RFFL: variants seen among roughly 807,000 people sequenced by gnomAD.
RFFL encodes the protein E3 ubiquitin-protein ligase rififylin.
In RFFL, 16 loss-of-function variants were observed where a neutral mutation model predicts 40.4. The observed-to-expected ratio is 0.40, with a 90% CI of 0.27 to 0.60. RFFL has a LOEUF of 0.60. Among genes scored for constraint, RFFL ranks in the 20% least tolerant of loss-of-function variants. RFFL has a pLI of 0.47. For missense variants in RFFL, 367 were observed against 451.7 expected, an observed-to-expected ratio of 0.81 and a Z score of 1.70; for synonymous variants, 154 against 167.9, an observed-to-expected ratio of 0.92 and a Z score of 0.64.
chr17:35,068,981 G>A (rs927531657), intron 1 of RFFL, among the ~76,000 whole-genome samples: 1 of 152,014 alleles, frequency 6.6e-6, no homozygotes, highest in African/African-American at 2.4e-5. Context: ...AGAAGGGCAG[G>A]GAAAAGACCC....
At chr17:35,037,019 C>T (rs1282504223) in intron 1 of RFFL, among the ~76,000 whole-genome samples, 3 of 152,214 alleles carry the variant, frequency 2.0e-5, no homozygotes, top group Non-Finnish European at 4.4e-5. Context: ...TTTTAATTAA[C>T]TGCTCTGTGC....
At chr17:35,041,872 T>C (rs138204384) in intron 1 of RFFL, among the ~76,000 whole-genome samples, 221 of 151,876 alleles carry the variant, frequency 1.5e-3, no homozygotes, top group African/African-American at 4.7e-3. Flanking sequence ...CAAAAATTAG[T>C]GGTGTGGTGG....
chr17:35,078,595 C>A (rs2142384589), intron 1 of RFFL, among the ~76,000 whole-genome samples: 1 of 152,320 alleles, frequency 6.6e-6, no homozygotes, highest in East Asian at 1.9e-4. Flanking sequence ...AGCCACCAGG[C>A]CCGGCCCAGA....
At position 35,016,430 on chromosome 17, in the gene RFFL, A is replaced by G; in HGVS notation, c.826T>C (p.Trp276Arg). ...CGGGTCACTCTCTCCATCAGCTCCC[A>G]CTTCTCACAGCAGCCCTTGTAGTTG... is the stretch of plus-strand genomic sequence containing the variant. ...FVNYKGCCEKWELMERVTRLY... is the reference protein window; with the variant it reads ...FVNYKGCCEKRELMERVTRLY... The change falls in exon 5 of 7, where the codon TGG (tryptophan) becomes CGG (arginine). Residue 276 changes from tryptophan to arginine, a missense_variant. Trp to Arg is a moderately radical substitution (Grantham distance 101). Coordinates refer to ENST00000394597, the MANE Select transcript of RFFL (RefSeq NM_001017368.2). The G allele has an allele frequency of 1.9e-6, 3 of 1,614,062 alleles. No individual in the cohort carries two copies. The highest frequency in any genetic ancestry group is 2.5e-6 in the Non-Finnish European group (3 of 1,179,990).
At chr17:35,021,832 CAG>C in intron 2 of RFFL, 51 bp from the exon 3 acceptor site, 7 of 1,589,374 alleles carry the variant, frequency 4.4e-6, no homozygotes, top group Non-Finnish European at 6.0e-6. Flanking sequence ...GAGAACAAGA[CAG>C]AGAGTGCGAT....
intron 1 of RFFL, among the ~76,000 whole-genome samples, chr17:35,030,767 A>T (rs993284916): frequency 6.6e-6 from 1 of 152,058 alleles, no homozygotes; most frequent in Non-Finnish European, 1.5e-5. Context: ...ACACGTTGAC[A>T]GACAAATCTG....
At chr17:35,014,892 G>A (rs2090964276) in intron 5 of RFFL, 129 bp from the exon 6 acceptor site, 2 of 836,146 alleles carry the variant, frequency 2.4e-6, no homozygotes, top group Non-Finnish European at 4.1e-6. Context: ...CAAGAGCCTA[G>A]ATGGACATCT....
intron 3 of RFFL, chr17:35,019,067 AAG>A (rs1160806904): frequency 5.9e-5 from 9 of 152,262 alleles, no homozygotes; most frequent in Admixed American, 5.2e-4. Context: ...CTAAAGGTGA[AAG>A]AGAGAACTCT....
chr17:35,057,712 T>C (rs536572763), intron 1 of RFFL, among the ~76,000 whole-genome samples: 119 of 150,270 alleles, frequency 7.9e-4, no homozygotes, highest in Non-Finnish European at 1.5e-3. Context: ...AACCAGTTTC[T>C]CCAGTTTTCT....
rs188782679 is a variant in RFFL, at chr17:35,032,655, G to T, written c.-8-6094C>A. 8.7e-4 allele frequency among the ~76,000 whole-genome samples: 133 copies of T among 152,154 alleles called. 1 individual carries two copies. The highest frequency in any genetic ancestry group is 3.1e-3 in the African/African-American group (128 of 41,402). ...GGTACATGTTTGGGCTGAAGATAAAGGTTTGGGAACACATGGCCCACTGGA... is the reference window on the plus strand; with the variant it reads ...GGTACATGTTTGGGCTGAAGATAAATGTTTGGGAACACATGGCCCACTGGA... On this transcript the variant is annotated intron_variant, in intron 1 of 6. Coordinates refer to ENST00000394597, the MANE Select transcript of RFFL (RefSeq NM_001017368.2).
At chr17:35,051,831 A>G (rs2091233733) in intron 1 of RFFL, among the ~76,000 whole-genome samples, 1 of 152,208 alleles carries the variant, frequency 6.6e-6, no homozygotes, top group South Asian at 2.1e-4. Flanking sequence ...CCAACCTGCT[A>G]CCAACTGGAC....
intron 1 of RFFL, among the ~76,000 whole-genome samples, chr17:35,033,360 C>T (rs757043499): frequency 1.3e-5 from 2 of 151,738 alleles, no homozygotes; most frequent in Non-Finnish European, 2.9e-5. Context: ...GAAACCCCAT[C>T]TCTACTAAAA....
At chr17:35,018,887 A>G (rs900318117) in intron 3 of RFFL, 2 of 152,258 alleles carry the variant, frequency 1.3e-5, no homozygotes, top group East Asian at 1.9e-4. Flanking sequence ...CTAAGTAGCT[A>G]TCTTTCAGAT....
At chr17:35,069,842 T>C (rs2091337805) in intron 1 of RFFL, among the ~76,000 whole-genome samples, 1 of 151,988 alleles carries the variant, frequency 6.6e-6, no homozygotes, top group Non-Finnish European at 1.5e-5. Flanking sequence ...ACCTCTCTCA[T>C]CCCTTTTATA....
chr17:35,026,963 A>C (rs927984598), intron 1 of RFFL, among the ~76,000 whole-genome samples: 1 of 152,198 alleles, frequency 6.6e-6, no homozygotes, highest in Non-Finnish European at 1.5e-5. Context: ...CGGCCTCCCA[A>C]AGTGCTGGGA....
At chr17:35,033,107 C>T (rs2091096321) in intron 1 of RFFL, among the ~76,000 whole-genome samples, 1 of 152,014 alleles carries the variant, frequency 6.6e-6, no homozygotes, top group South Asian at 2.1e-4. Context: ...TAAAGAAGAT[C>T]CAGTGTCACC....
intron 1 of RFFL, chr17:35,076,747 G>C (rs2091379195): frequency 6.5e-6 from 1 of 154,952 alleles, no homozygotes; most frequent in African/African-American, 2.4e-5. Flanking sequence ...ATGATGAAGG[G>C]AACATCATCG....
intron 1 of RFFL, among the ~76,000 whole-genome samples, chr17:35,030,805 T>C (rs191826835): frequency 8.5e-5 from 13 of 152,128 alleles, no homozygotes; most frequent in African/African-American, 9.7e-5. Context: ...AAAAAGAATA[T>C]AGAATCTGGA....
At chr17:35,060,577 T>C (rs1286492161) in intron 1 of RFFL, among the ~76,000 whole-genome samples, 1 of 152,154 alleles carries the variant, frequency 6.6e-6, no homozygotes, top group Non-Finnish European at 1.5e-5. Context: ...GAAATAATTT[T>C]GTAAAACACC....
Sources: gnomAD v4.1 joint callset for allele counts (sites outside exome capture counted in the v4.1 genomes callset) on GRCh38, gnomAD v4.1.1 for gene constraint, MANE v1.5 for transcripts, NCBI Gene and HGNC (gene_info 2026-07-23, HGNC 2026-07-21) for gene names.